The following GCSAML variants were observed in gnomAD, a reference collection of about 807,000 sequenced individuals.
GCSAML encodes the protein germinal center-associated signaling and motility-like protein.
A neutral mutation model predicts 13.0 loss-of-function variants in GCSAML; 9 were observed. The observed-to-expected ratio is 0.69, with a 90% CI of 0.42 to 1.21. GCSAML has a LOEUF of 1.21. Among genes scored for constraint, GCSAML ranks in the 50% most tolerant of loss-of-function variants. The pLI, the probability that GCSAML is intolerant of heterozygous loss-of-function variation, is 0.00. For synonymous variants in GCSAML, 37 were observed against 52.9 expected (o/e 0.70, Z 1.31); for missense variants, 143 against 153.4 (o/e 0.93, Z 0.36).
intron 2 of GCSAML, among the ~76,000 whole-genome samples, chr1:247,542,874 C>T (rs1350555911): frequency 6.6e-6 from 1 of 152,170 alleles, no homozygotes; most frequent in African/African-American, 2.4e-5. Context: ...ATAGAATTTG[C>T]CCCAGATAAT....
intron 1 of GCSAML, among the ~76,000 whole-genome samples, chr1:247,509,964 T>C (rs1332222408): frequency 3.3e-5 from 5 of 152,310 alleles, no homozygotes; most frequent in African/African-American, 9.6e-5. Context: ...TGAAATTTTC[T>C]TTTTTTGTTG....
At chr1:247,532,003 C>CA in intron 2 of GCSAML, 2 of 1,614,146 alleles carry the variant, frequency 1.2e-6, no homozygotes, top group Non-Finnish European at 8.5e-7. Flanking sequence ...ATTGTTCCCA[C>CA]ACAGCGGTAG....
intron 1 of GCSAML, among the ~76,000 whole-genome samples, chr1:247,514,146 A>G (rs957703105): frequency 1.3e-5 from 2 of 152,014 alleles, no homozygotes; most frequent in Non-Finnish European, 2.9e-5. Flanking sequence ...ATGCCCAGCT[A>G]ATTTTTGTGT....
At chr1:247,565,809 G>A in intron 3 of GCSAML, 122 bp from the exon 4 acceptor site, 1 of 691,786 alleles carries the variant, frequency 1.4e-6, no homozygotes, top group South Asian at 2.0e-5. Context: ...TTAGATAATA[G>A]GCCTCTGCAG....
intron 1 of GCSAML, among the ~76,000 whole-genome samples, chr1:247,521,125 T>C (rs1666401579): frequency 6.6e-6 from 1 of 151,934 alleles, no homozygotes; most frequent in Non-Finnish European, 1.5e-5. Context: ...TTTTTTTTTT[T>C]TTTTTTGCAA....
chr1:247,575,286 C>T lies in GCSAML; in HGVS notation c.*904C>T, dbSNP rs1232631385. The T allele has an allele frequency of 2.6e-5, 4 of 152,152 alleles. No homozygotes were observed. The allele number at this position is 152,152 out of a possible 1,614,324, so 9.4% of individuals were successfully genotyped here. On this transcript the variant is annotated 3_prime_UTR_variant, in exon 5 of 5. Coordinates refer to ENST00000366488, the MANE Select transcript of GCSAML (RefSeq NM_145278.5). The stretch of plus-strand genomic sequence containing the variant: ...CCCAGGCCATGGTAAGTCATGTTGG[C>T]TCAGAATCAACCTCTTTAAATATTT...
intron 1 of GCSAML, among the ~76,000 whole-genome samples, chr1:247,508,620 T>C (rs756419937): frequency 6.6e-6 from 1 of 152,242 alleles, no homozygotes; most frequent in Non-Finnish European, 1.5e-5. Flanking sequence ...GCCTGGATCT[T>C]CTTCTAAGGT....
chr1:247,522,270 G>C (rs1388800894), intron 1 of GCSAML, among the ~76,000 whole-genome samples: 1 of 100,168 alleles, frequency 1.0e-5, no homozygotes, highest in Admixed American at 1.1e-4. Context: ...CCCCCACCCG[G>C]CTAGCCGCCC....
Position 247,574,346 on chromosome 1 carries a change from C to A in GCSAML, c.372C>A (p.Thr124=). Residue 124 remains threonine, a synonymous_variant, in exon 5 of 5, where the codon ACC becomes ACA. Transcript: ENST00000366488. ...RTSVSRPCSC[T]HEHDYEVVFP... ...CTGTTAGTAGGCCTTGTTCCTGCAC[C>A]CATGAGCATGATTATGAAGTTGTGT... 1.2e-6 allele frequency: 2 copies of A among 1,614,048 alleles called. No homozygotes were observed. The highest frequency in any genetic ancestry group is 1.7e-6 in the Non-Finnish European group (2 of 1,179,984).
chr1:247,521,744 C>T (rs2103313301), intron 1 of GCSAML, among the ~76,000 whole-genome samples: 1 of 152,350 alleles, frequency 6.6e-6, no homozygotes, highest in East Asian at 1.9e-4. Context: ...CTCCACCTCC[C>T]AGCCGCCTGC....
chr1:247,549,591 G>A (rs1217014767), intron 1 of GCSAML, among the ~76,000 whole-genome samples: 1 of 152,010 alleles, frequency 6.6e-6, no homozygotes, highest in Non-Finnish European at 1.5e-5. Context: ...AGTGCATCTT[G>A]TATTTCATCT....
chr1:247,556,479 C>T lies in GCSAML; in HGVS notation c.89+13C>T, dbSNP rs767225090. ...AGGAAAGAAAACGGTAAGAACAGAG[C>T]ATCTCAGAGTTTTTTTGTTTTGTTT... On this transcript the variant is annotated intron_variant, in intron 2 of 4. Coordinates refer to ENST00000366488, the MANE Select transcript of GCSAML (RefSeq NM_145278.5). 8.2e-6 allele frequency: 13 copies of T among 1,588,558 alleles called. No homozygotes were observed. The Admixed American group carries it at 2.2e-4, about 27-fold the overall frequency.
chr1:247,537,148 T>G (rs181601644), intron 2 of GCSAML, among the ~76,000 whole-genome samples: 180 of 152,326 alleles, frequency 1.2e-3, no homozygotes, highest in South Asian at 3.1e-3. Context: ...TCCCTAGCCC[T>G]GCCAGCCACT....
chr1:247,516,994 ACT>A (rs1394991169), intron 1 of GCSAML, among the ~76,000 whole-genome samples: 1 of 152,062 alleles, frequency 6.6e-6, no homozygotes, highest in Non-Finnish European at 1.5e-5. Context: ...TACCAAAATA[ACT>A]CTCTACAATG....
At chr1:247,535,101 T>A (rs907073259) in intron 2 of GCSAML, among the ~76,000 whole-genome samples, 1 of 152,026 alleles carries the variant, frequency 6.6e-6, no homozygotes, top group Non-Finnish European at 1.5e-5. Flanking sequence ...TCACTTGAGC[T>A]CAGGAGTTTG....
chr1:247,559,345 C>T (rs1668048605), intron 2 of GCSAML, among the ~76,000 whole-genome samples: 1 of 152,000 alleles, frequency 6.6e-6, no homozygotes, highest in East Asian at 1.9e-4. Flanking sequence ...CTTTTTCTTT[C>T]TTTCATATGG....
At chr1:247,534,178 CTT>C (rs922269600) in intron 2 of GCSAML, among the ~76,000 whole-genome samples, 5 of 152,176 alleles carry the variant, frequency 3.3e-5, no homozygotes, top group African/African-American at 9.7e-5. Context: ...ATAAACTACT[CTT>C]ATTTCTTTTG....
At chr1:247,534,642 G>T (rs1206335202) in intron 2 of GCSAML, among the ~76,000 whole-genome samples, 1 of 152,122 alleles carries the variant, frequency 6.6e-6, no homozygotes, top group African/African-American at 2.4e-5. Context: ...TTAAAAAGGA[G>T]AATCAATTTA....
chr1:247,522,929 A>G (rs1164900196), intron 1 of GCSAML, among the ~76,000 whole-genome samples: 3 of 152,140 alleles, frequency 2.0e-5, no homozygotes, highest in Non-Finnish European at 4.4e-5. Context: ...AAAAAAAAAA[A>G]AAAAAACCAT....
Sources: gnomAD v4.1 joint callset for allele counts (sites outside exome capture counted in the v4.1 genomes callset) on GRCh38, gnomAD v4.1.1 for gene constraint, MANE v1.5 for transcripts, NCBI Gene and HGNC (gene_info 2026-07-23, HGNC 2026-07-21) for gene names.